The following ZNF385D variants were observed in gnomAD, a reference collection of about 807,000 sequenced individuals.
ZNF385D encodes the protein zinc finger protein 385D.
A neutral mutation model predicts 35.8 loss-of-function variants in ZNF385D; 15 were observed. The ratio of observed to expected loss-of-function variants is 0.42; its 90% CI spans 0.28 to 0.64. The LOEUF (loss-of-function observed/expected upper bound fraction) is 0.64, where lower values mean the gene tolerates loss of function less well. Among genes scored for constraint, ZNF385D ranks in the 30% least tolerant of loss-of-function variants. The pLI, the probability that ZNF385D is intolerant of heterozygous loss-of-function variation, is 0.23. For synonymous variants in ZNF385D, 212 were observed against 186.8 expected (o/e 1.13, Z -1.10); for missense variants, 474 against 494.6 (o/e 0.96, Z 0.39).
At chr3:22,146,530 A>G (rs1054683258) in intron 3 of ZNF385D, among the ~76,000 whole-genome samples, 10 of 152,190 alleles carry the variant, frequency 6.6e-5, no homozygotes, top group African/African-American at 2.4e-4. Context: ...ATGTATTATT[A>G]TAATTTACTT....
At chr3:21,974,314 A>C (rs1029659302) in intron 3 of ZNF385D, among the ~76,000 whole-genome samples, 2 of 152,092 alleles carry the variant, frequency 1.3e-5, no homozygotes, top group African/African-American at 4.8e-5. Flanking sequence ...CCAAGAACAC[A>C]CAATGGGGAA....
chr3:22,009,500 A>G lies in ZNF385D; in HGVS notation c.325+159317T>C, dbSNP rs573292009. Among the ~76,000 whole-genome samples, 379 of 151,600 alleles carry G rather than the reference A, an allele frequency of 2.5e-3. 2 individuals carry two copies. The highest frequency in any genetic ancestry group is 8.7e-3 in the African/African-American group (358 of 41,362). On this transcript the variant is annotated intron_variant, in intron 3 of 5. Transcript: ENST00000494108. ...TAGCCGGGCGTGGTGTCGGGTGCCT[A>G]TAGTCCCAGCTACTCGGGAGGCTGA...
At chr3:21,820,804 T>C (rs1171880194) in intron 3 of ZNF385D, among the ~76,000 whole-genome samples, 2 of 149,096 alleles carry the variant, frequency 1.3e-5, no homozygotes, top group Non-Finnish European at 3.0e-5. Flanking sequence ...TCTGAGGACA[T>C]TGTGTGTGTC....
At chr3:21,500,309 T>C (rs1360115405) in intron 4 of ZNF385D, among the ~76,000 whole-genome samples, 4 of 152,178 alleles carry the variant, frequency 2.6e-5, no homozygotes, top group Non-Finnish European at 5.9e-5. Context: ...GAAACAAAAA[T>C]AATACAGTAC....
intron 2 of ZNF385D, among the ~76,000 whole-genome samples, chr3:22,296,188 A>G (rs147450070): frequency 1.7e-3 from 259 of 152,294 alleles, no homozygotes; most frequent in African/African-American, 6.1e-3. Flanking sequence ...TATTGCTACA[A>G]TACTACCCTC....
At chr3:22,331,082 T>C (rs890834499) in intron 2 of ZNF385D, among the ~76,000 whole-genome samples, 2 of 152,258 alleles carry the variant, frequency 1.3e-5, no homozygotes, top group African/African-American at 4.8e-5. Flanking sequence ...GGAATGTTTA[T>C]TGACGTGTAA....
At chr3:21,786,028 T>G (rs948734583) in intron 3 of ZNF385D, among the ~76,000 whole-genome samples, 13 of 151,898 alleles carry the variant, frequency 8.6e-5, no homozygotes, top group Middle Eastern at 3.2e-3. Context: ...TACCCTTTTT[T>G]TTTTTACCAT....
chr3:22,155,412 C>G (rs898261561), intron 3 of ZNF385D, among the ~76,000 whole-genome samples: 1 of 151,730 alleles, frequency 6.6e-6, no homozygotes, highest in African/African-American at 2.4e-5. Context: ...AAAGAGATTT[C>G]TTAAGGAAAT....
intron 3 of ZNF385D, among the ~76,000 whole-genome samples, chr3:22,157,477 G>A (rs1221164276): frequency 6.6e-6 from 1 of 151,674 alleles, no homozygotes; most frequent in Non-Finnish European, 1.5e-5. Context: ...AACACCCCCA[G>A]ATGTAGCTAT....
chr3:21,559,654 C>T (rs561217597), intron 3 of ZNF385D, among the ~76,000 whole-genome samples: 35 of 152,188 alleles, frequency 2.3e-4, no homozygotes, highest in African/African-American at 6.5e-4. Context: ...TTGCTCTTCT[C>T]AAGGAGTATC....
chr3:21,989,240 A>G (rs1030827415), intron 3 of ZNF385D, among the ~76,000 whole-genome samples: 2 of 152,152 alleles, frequency 1.3e-5, no homozygotes, highest in African/African-American at 2.4e-5. Flanking sequence ...TTAACCTTAC[A>G]TATCAAAGCT....
chr3:22,298,334 CTT>C (rs1702702767), intron 2 of ZNF385D, among the ~76,000 whole-genome samples: 1 of 144,334 alleles, frequency 6.9e-6, no homozygotes, highest in Non-Finnish European at 1.5e-5. Context: ...TTGACTGAGA[CTT>C]TAACAGCAAA....
intron 3 of ZNF385D, among the ~76,000 whole-genome samples, chr3:22,138,464 C>G (rs1704295353): frequency 6.6e-6 from 1 of 152,080 alleles, no homozygotes; most frequent in African/African-American, 2.4e-5. Flanking sequence ...GGTACCAAAA[C>G]AGAGATATAG....
intron 4 of ZNF385D, among the ~76,000 whole-genome samples, chr3:21,479,643 A>G (rs183738974): frequency 6.6e-6 from 1 of 152,182 alleles, no homozygotes; most frequent in Non-Finnish European, 1.5e-5. Context: ...GCTGATGGCT[A>G]CCTAGAGCCT....
At chr3:21,731,102 T>C (rs970645574) in intron 1 of ZNF385D, among the ~76,000 whole-genome samples, 2 of 152,214 alleles carry the variant, frequency 1.3e-5, no homozygotes, top group African/African-American at 4.8e-5. Flanking sequence ...TTAAATATGA[T>C]CATTTTGTGC....
intron 3 of ZNF385D, among the ~76,000 whole-genome samples, chr3:22,122,619 A>G (rs1039817155): frequency 2.0e-5 from 3 of 152,296 alleles, no homozygotes; most frequent in Admixed American, 6.5e-5. Context: ...AAATAAGATA[A>G]TAAGTGTCAT....
At chr3:22,331,331 CTT>C (rs1273079869) in intron 2 of ZNF385D, among the ~76,000 whole-genome samples, 3 of 152,074 alleles carry the variant, frequency 2.0e-5, no homozygotes, top group Non-Finnish European at 2.9e-5. Flanking sequence ...TCACTTAAAA[CTT>C]AAAAACATCT....
chr3:22,133,827 G>C (rs1001288034), intron 3 of ZNF385D: 1 of 151,720 alleles, frequency 6.6e-6, no homozygotes, highest in African/African-American at 2.4e-5. Context: ...CACAAACAAA[G>C]CATCTGTGGA....
intron 2 of ZNF385D, among the ~76,000 whole-genome samples, chr3:22,327,520 T>G (rs1448619941): frequency 1.3e-5 from 2 of 152,176 alleles, no homozygotes; most frequent in Admixed American, 6.5e-5. Flanking sequence ...GAAAAATGCT[T>G]CCAGCCACAT....
Sources: allele counts gnomAD v4.1 joint callset (sites outside exome capture counted in the v4.1 genomes callset), GRCh38; gene constraint gnomAD v4.1.1; transcripts MANE v1.5; gene names NCBI Gene and HGNC (gene_info 2026-07-23, HGNC 2026-07-21).